The following HAL variants were observed in gnomAD, a reference collection of about 807,000 sequenced individuals.
The protein encoded by HAL is histidase.
Under a neutral mutation model 81.1 loss-of-function variants are expected in HAL, and 85 were observed. The observed-to-expected ratio is 1.05, with a 90% CI of 0.88 to 1.25. The LOEUF (loss-of-function observed/expected upper bound fraction) is 1.25. Among genes scored for constraint, HAL ranks in the 50% most tolerant of loss-of-function variants. The pLI, the probability that HAL is intolerant of heterozygous loss-of-function variation, is 0.00. For synonymous variants in HAL, 301 were observed against 309.2 expected, an observed-to-expected ratio of 0.97 and a Z score of 0.28; for missense variants, 798 against 836.6, an observed-to-expected ratio of 0.95 and a Z score of 0.57.
In HAL at chr12:95,980,826, C is replaced by T. The variant is rs1449387256; in HGVS notation, c.1325G>A (p.Gly442Glu). 9 of 1,594,386 alleles carry T rather than the reference C, an allele frequency of 5.6e-6. No individual in the cohort carries two copies. Among genetic ancestry groups the T allele is most frequent in the Non-Finnish European group, 7.7e-6 (9 of 1,162,394 alleles). ...FANRGETVSG[G>E]NFHGEYPAKA... ...GGCTGGGTATTCACCATGGAAGTTTCCTCCAGAAACTGTCTCTCCCCTATT... is the reference window on the plus strand; with the variant it reads ...GGCTGGGTATTCACCATGGAAGTTTTCTCCAGAAACTGTCTCTCCCCTATT... The change falls in exon 16 of 21, where the codon GGA becomes GAA. Residue 442 changes from glycine (G) to glutamate (E), a missense_variant. By Grantham distance (98) the Gly-to-Glu change is moderately conservative. Transcript: ENST00000261208.
At position 95,993,490 on chromosome 12, in the gene HAL, T is replaced by C; in HGVS notation, c.552-2A>G. On this transcript the variant is annotated splice_acceptor_variant, in intron 7 of 20. Transcript: ENST00000261208. LOFTEE classifies it high-confidence loss of function. ...CGTACTAAGTTGACCTGAAGCTCCC[T>C]GCAACAGAAAGGTAAAAACCCTCTT... The C allele has an allele frequency of 1.3e-6, 2 of 1,595,684 alleles. No individual in the cohort carries two copies. The highest frequency in any genetic ancestry group is 1.7e-6 in the Non-Finnish European group (2 of 1,163,022).
At chr12:95,994,575 A>G (rs1458161817) in intron 4 of HAL, among the ~76,000 whole-genome samples, 1 of 152,158 alleles carries the variant, frequency 6.6e-6, no homozygotes, top group Non-Finnish European at 1.5e-5. Context: ...CTTTTAGTAG[A>G]GATGGGGTTT....
intron 7 of HAL, 22 bp from the exon 8 acceptor site, chr12:95,993,510 C>G (rs1949996559): frequency 6.6e-7 from 1 of 1,519,868 alleles, no homozygotes; most frequent in Non-Finnish European, 9.1e-7. Context: ...AGGTAAAAAC[C>G]CTCTTAGATA....
chr12:95,975,986 A>G (rs2080714105), intron 20 of HAL: 1 of 326,678 alleles, frequency 3.1e-6, no homozygotes, highest in African/African-American at 2.2e-5. Context: ...AGCACTAGAC[A>G]GACCGAAAGT....
intron 18 of HAL, among the ~76,000 whole-genome samples, chr12:95,977,205 G>T (rs1192881549): frequency 1.3e-5 from 2 of 152,148 alleles, no homozygotes; most frequent in African/African-American, 4.8e-5. Context: ...ACTAGAAGAT[G>T]AGAAATTGCT....
chr12:95,994,987 T>C lies in HAL; in HGVS notation c.254A>G (p.Glu85Gly). The C allele has an allele frequency of 6.2e-7, 1 of 1,609,172 alleles. No individual in the cohort carries two copies. The highest frequency in any genetic ancestry group is 8.5e-7 in the Non-Finnish European group (1 of 1,175,586). Residue 85 changes from glutamate (E) to glycine (G), a missense_variant, in exon 3 of 21, where the codon GAG becomes GGG. Glu to Gly is a moderately conservative substitution (Grantham distance 98). Transcript: ENST00000261208. ...GAAGTCAGGAGACATGGCATCACCCTCTATAACTAAAACAATGCACGGGAG... is the reference window on the plus strand; with the variant it reads ...GAAGTCAGGAGACATGGCATCACCCCCTATAACTAAAACAATGCACGGGAG... ...ENNEFVEVVI[E>G]GDAMSPDFIP...
chr12:95,976,491 T>C lies in HAL; in HGVS notation c.1771A>G (p.Ile591Val), dbSNP rs765975276. The C allele has an allele frequency of 6.2e-7, 1 of 1,613,990 alleles. No individual in the cohort carries two copies. Among genetic ancestry groups the C allele is most frequent in the African/African-American group, 1.3e-5 (1 of 74,926 alleles). The stretch of plus-strand genomic sequence containing the variant: ...TCCGGGGCCATGAAGCGATCTTTTA[T>C]CCAGGGCCTACAGGGAGAGCACATC... Reference protein sequence around the residue: ...DLVRSVVRPWIKDRFMAPDIE... With the variant: ...DLVRSVVRPWVKDRFMAPDIE... Residue 591 changes from isoleucine to valine, a missense_variant, in exon 20 of 21, where the codon ATA becomes GTA. Coordinates refer to ENST00000261208, the MANE Select transcript of HAL (RefSeq NM_002108.4).
rs767892810 is a variant in HAL at position 95,990,389 on chromosome 12, T to C, written c.855+4A>G. The C allele has an allele frequency of 1.2e-6, 2 of 1,612,274 alleles. No individual in the cohort carries two copies. Among genetic ancestry groups the C allele is most frequent in the Non-Finnish European group, 1.7e-6 (2 of 1,178,290 alleles). Reference sequence around the variant, plus strand: ...CTGCAGATAGAAGCTGCTACGAGTCTTACGTATTTAGCATCAGCCCAGCCA... The same window carrying C: ...CTGCAGATAGAAGCTGCTACGAGTCCTACGTATTTAGCATCAGCCCAGCCA... On this transcript the variant is annotated splice_donor_region_variant and intron_variant, in intron 10 of 20. Transcript: ENST00000261208.
chr12:95,974,723 T>G (rs2080695534), intron 20 of HAL, among the ~76,000 whole-genome samples: 1 of 152,048 alleles, frequency 6.6e-6, no homozygotes, highest in South Asian at 2.1e-4. Context: ...CTATGTGGTT[T>G]TTTTCTTGTT....
chr12:95,994,834 A>G lies in HAL; in HGVS notation c.309-9T>C, dbSNP rs1950013064. On this transcript the variant is annotated splice_polypyrimidine_tract_variant and intron_variant, in intron 3 of 20. Transcript: ENST00000261208. The stretch of plus-strand genomic sequence containing the variant: ...CCCGGTACTTGCTGTATCTGTATCC[A>G]GGTAAAGGAACATATAGGGTGGTGT... 3.7e-6 allele frequency: 6 copies of G among 1,613,910 alleles called. No individual in the cohort carries two copies. The highest frequency in any genetic ancestry group is 1.7e-5 in the Admixed American group (1 of 60,002).
rs2080801492 is a variant in HAL at position 95,982,076 on chromosome 12, T to G, written c.1288-1213A>C. Among the ~76,000 whole-genome samples, 3 of 152,354 alleles carry G rather than the reference T, an allele frequency of 2.0e-5. No homozygotes were observed. In the South Asian group the frequency reaches 6.2e-4, roughly 32 times the overall value. ...CTGAATCCCTATAGCAATGGAATTC[T>G]GCATCAATTTAGAACTTAGACATGT... On this transcript the variant is annotated intron_variant, in intron 15 of 20. Transcript: ENST00000261208.
chr12:95,992,598 C>T lies in HAL; in HGVS notation c.715+82G>A, dbSNP rs542612510. On this transcript the variant is annotated intron_variant, in intron 9 of 20. Coordinates refer to ENST00000261208, the MANE Select transcript of HAL (RefSeq NM_002108.4). ...TATTTCATGTCTTCTCAGGTGATTC[C>T]TCAGCATCTGGCCAATCAATTCTAC... 5.5e-6 allele frequency: 7 copies of T among 1,267,876 alleles called. No individual in the cohort carries two copies. In the South Asian group the frequency reaches 6.0e-5, roughly 11 times the overall value. 78.5% of individuals were successfully genotyped at this position (1,267,876 alleles called of 1,614,324 possible). A position where few individuals can be genotyped will look rare whatever the true frequency, so the allele number is the denominator to read the frequency against.
At position 95,980,875 on chromosome 12, in the gene HAL, G is replaced by C; in HGVS notation, c.1288-12C>G. 6.6e-7 allele frequency: 1 copy of C among 1,511,042 alleles called. No homozygotes were observed. Among genetic ancestry groups the C allele is most frequent in the Non-Finnish European group, 9.2e-7 (1 of 1,087,082 alleles). The allele number at this position is 1,511,042 out of a possible 1,614,324, so 93.6% of individuals were successfully genotyped here. ...TTGGCAAAGACCATCTTTCAAAAGA[G>C]GTTAAGGCTTGAAGATAATGTTTGC... On this transcript the variant is annotated splice_polypyrimidine_tract_variant and intron_variant, in intron 15 of 20. Transcript: ENST00000261208.
intron 7 of HAL, 117 bp downstream of exon 7, chr12:95,993,655 C>T (rs1351532927): frequency 1.2e-6 from 1 of 843,766 alleles, no homozygotes; most frequent in Non-Finnish European, 2.0e-6. Context: ...TGCAAGGTAA[C>T]CCAAGCCTCA....
At chr12:95,985,560 A>T (rs1592843738) in intron 14 of HAL, among the ~76,000 whole-genome samples, 2 of 149,232 alleles carry the variant, frequency 1.3e-5, no homozygotes, top group Middle Eastern at 6.9e-3. Context: ...ACTGTACTCC[A>T]GCCAGGGTGA....
intron 8 of HAL, 68 bp downstream of exon 8, chr12:95,993,383 T>C: frequency 1.0e-6 from 1 of 984,956 alleles, no homozygotes; most frequent in Non-Finnish European, 1.7e-6. Context: ...ACTGGATAAC[T>C]CACACTGTGC....
At position 95,974,041 on chromosome 12, in the gene HAL, G is replaced by A. The variant is rs116122784; in HGVS notation, c.*191C>T. The A allele has an allele frequency of 3.7e-3, 2,455 of 659,610 alleles. 51 individuals are homozygous for A. In the African/African-American group the frequency reaches 0.04, roughly 11 times the overall value. The allele number at this position is 659,610 out of a possible 1,614,324, so 40.9% of individuals were successfully genotyped here. A position where few individuals can be genotyped will look rare whatever the true frequency, so the allele number is the denominator to read the frequency against. On this transcript the variant is annotated 3_prime_UTR_variant, in exon 21 of 21. Transcript: ENST00000261208. ...AAATACCTGGTGGGTCTTGAACCAC[G>A]ACAACAGGAACACAGTGCTGAATTT... is the stretch of plus-strand genomic sequence containing the variant.
chr12:95,992,556 T>A, intron 9 of HAL, 124 bp downstream of exon 9: 1 of 890,368 alleles, frequency 1.1e-6, no homozygotes, highest in Non-Finnish European at 1.8e-6. Context: ...CCAACGGCAT[T>A]TCCCACTCAT....
chr12:95,972,933 G>C lies in HAL; in HGVS notation c.*1299C>G, dbSNP rs1361068088. On this transcript the variant is annotated 3_prime_UTR_variant, in exon 21 of 21. Coordinates refer to ENST00000261208, the MANE Select transcript of HAL (RefSeq NM_002108.4). ...ACATTTTGACAAGGAATAGCACCAA[G>C]AACAACCTTTAGGTAAACAGTCTCC... 6.6e-6 allele frequency: 1 copy of C among 152,200 alleles called. No homozygotes were observed. Among genetic ancestry groups the C allele is most frequent in the Non-Finnish European group, 1.5e-5 (1 of 68,048 alleles). The allele number at this position is 152,200 out of a possible 1,614,324, so 9.4% of individuals were successfully genotyped here.
Sources: allele counts gnomAD v4.1 joint callset (sites outside exome capture counted in the v4.1 genomes callset), GRCh38; gene constraint gnomAD v4.1.1; transcripts MANE v1.5; gene names NCBI Gene and HGNC (gene_info 2026-07-23, HGNC 2026-07-21).